CELF2: variants seen among roughly 807,000 people sequenced by gnomAD.
CELF2 encodes CUG triplet repeat RNA-binding protein 2.
In CELF2, 8 loss-of-function variants were observed where a neutral mutation model predicts 62.6. The observed-to-expected ratio is 0.13, with a 90% CI of 0.07 to 0.23. The LOEUF (loss-of-function observed/expected upper bound fraction) is 0.23. CELF2 is among the 10% of genes least tolerant of loss of function. CELF2 has a pLI of 1.00. For synonymous variants in CELF2, 258 were observed against 250.0 expected, an observed-to-expected ratio of 1.03 and a Z score of -0.30; for missense variants, 333 against 671.0, an observed-to-expected ratio of 0.50 and a Z score of 5.56.
At chr10:10,666,400 T>C in the CELF2 span, among the ~76,000 whole-genome samples, 1 of 152,150 alleles carries the variant, frequency 6.6e-6, no homozygotes, top group Non-Finnish European at 1.5e-5. Context: ...CTCCAACTTA[T>C]TAATGATCTC....
intron 2 of CELF2, among the ~76,000 whole-genome samples, chr10:11,197,353 G>A (rs2135013653): frequency 6.6e-6 from 1 of 152,182 alleles, no homozygotes; most frequent in East Asian, 1.9e-4. Flanking sequence ...CATTCATATG[G>A]GTAAAAAAGG....
chr10:10,577,232 G>C, the CELF2 span, among the ~76,000 whole-genome samples: 11 of 152,068 alleles, frequency 7.2e-5, no homozygotes, highest in African/African-American at 2.7e-4. Context: ...CATGGCAATG[G>C]GTTATTTGTT....
chr10:11,047,775 A>C (rs1298421051), intron 1 of CELF2, among the ~76,000 whole-genome samples: 1 of 152,088 alleles, frequency 6.6e-6, no homozygotes, highest in African/African-American at 2.4e-5. Context: ...TTTCAGGCTA[A>C]ATTTTTCTGG....
Position 11,247,624 on chromosome 10 carries a change from C to T in CELF2, c.355-1529C>T, listed in dbSNP as rs376520629. On this transcript the variant is annotated intron_variant, in intron 3 of 12. Coordinates refer to ENST00000633077, the MANE Select transcript of CELF2 (RefSeq NM_001326342.2). The surrounding 1 kb of genome is among the most constrained non-coding windows in gnomAD (Gnocchi z 5.4). Reference sequence around the variant, plus strand: ...CCCATGCCCGCCATCCCACCCCTGCCACACTGAGCACCTGAAGGGAGGACC... The same window carrying T: ...CCCATGCCCGCCATCCCACCCCTGCTACACTGAGCACCTGAAGGGAGGACC... Among the ~76,000 whole-genome samples the T allele has an allele frequency of 6.6e-6, 1 of 151,928 alleles. No homozygotes were observed. Among genetic ancestry groups the T allele is most frequent in the Non-Finnish European group, 1.5e-5 (1 of 67,980 alleles).
rs2095012084 is a variant in CELF2 at position 11,316,645 on chromosome 10, T to C, written c.1096+2387T>C. On this transcript the variant is annotated intron_variant, in intron 10 of 12. Transcript: ENST00000633077. The surrounding 1 kb of genome is among the most constrained non-coding windows in gnomAD (Gnocchi z 4.4). ...ACCCCACTGCAGCAGCCATTATCTG[T>C]TTCCATATGGAGAGTATTCAGGTTT... is the stretch of plus-strand genomic sequence containing the variant. Among the ~76,000 whole-genome samples the C allele has an allele frequency of 6.6e-6, 1 of 152,148 alleles. No homozygotes were observed. The highest frequency in any genetic ancestry group is 6.5e-5 in the Admixed American group (1 of 15,276).
Position 11,290,117 on chromosome 10 carries a change from A to G in CELF2, c.976+1565A>G, listed in dbSNP as rs1351544753. Reference sequence around the variant, plus strand: ...TGATTGGTGTAGCTAAGATAACTCAAAAATCATATCCCAAAAGCGCTTTGT... The same window carrying G: ...TGATTGGTGTAGCTAAGATAACTCAGAAATCATATCCCAAAAGCGCTTTGT... On this transcript the variant is annotated intron_variant, in intron 9 of 12. Transcript: ENST00000633077. This position sits in a 1 kb window ranked among gnomAD's most constrained non-coding sequence, Gnocchi z 4.3. Among the ~76,000 whole-genome samples the G allele has an allele frequency of 6.6e-6, 1 of 152,318 alleles. No individual in the cohort carries two copies. The highest frequency in any genetic ancestry group is 6.5e-5 in the Admixed American group (1 of 15,308).
At chr10:10,631,011 T>C in the CELF2 span, among the ~76,000 whole-genome samples, 1 of 152,204 alleles carries the variant, frequency 6.6e-6, no homozygotes, top group Non-Finnish European at 1.5e-5. Flanking sequence ...GAATTGCCAA[T>C]GTTATACACC....
In CELF2 at chr10:11,319,160, G is replaced by C. The variant is rs899868906; in HGVS notation, c.1097-2029G>C. ...CCACACGGGCATCTGCATTTCCAGAGGACTGTGCCCAGAGTGCGATCATCT... is the reference window on the plus strand; with the variant it reads ...CCACACGGGCATCTGCATTTCCAGACGACTGTGCCCAGAGTGCGATCATCT... On this transcript the variant is annotated intron_variant, in intron 10 of 12. Coordinates refer to ENST00000633077, the MANE Select transcript of CELF2 (RefSeq NM_001326342.2). The surrounding 1 kb of genome is among the most constrained non-coding windows in gnomAD (Gnocchi z 4.4). The C allele has an allele frequency of 4.3e-6, 2 of 466,254 alleles. No individual in the cohort carries two copies. The highest frequency in any genetic ancestry group is 7.0e-5 in the East Asian group (1 of 14,368). 28.9% of individuals were successfully genotyped at this position (466,254 alleles called of 1,614,324 possible).
chr10:11,028,330 C>T (rs911729172), intron 1 of CELF2, among the ~76,000 whole-genome samples: 4 of 152,046 alleles, frequency 2.6e-5, no homozygotes, highest in Admixed American at 1.3e-4. Context: ...ATCAGCCACA[C>T]GATATGAAGG....
In CELF2 at chr10:11,309,594, T is replaced by C. The variant is rs1044814022; in HGVS notation, c.977-4545T>C. 1.3e-5 allele frequency among the ~76,000 whole-genome samples: 2 copies of C among 149,372 alleles called. No individual in the cohort carries two copies. Among genetic ancestry groups the C allele is most frequent in the African/African-American group, 4.8e-5 (2 of 41,268 alleles). ...ATTATTTTTGGCCCAGGAGCATAAATTGTCCCCACAGTCTGCTCTGATTGT... is the reference window on the plus strand; with the variant it reads ...ATTATTTTTGGCCCAGGAGCATAAACTGTCCCCACAGTCTGCTCTGATTGT... On this transcript the variant is annotated intron_variant, in intron 9 of 12. Transcript: ENST00000633077. The surrounding 1 kb of genome is among the most constrained non-coding windows in gnomAD (Gnocchi z 5.6).
chr10:10,666,827 A>ACT, the CELF2 span, among the ~76,000 whole-genome samples: 13 of 72,188 alleles, frequency 1.8e-4, 2 homozygotes, highest in Non-Finnish European at 3.4e-4. Context: ...GCGCCACTGC[A>ACT]CTCCAGCCTG....
the CELF2 span, among the ~76,000 whole-genome samples, chr10:10,588,006 G>C: frequency 7.1e-6 from 1 of 140,204 alleles, no homozygotes; most frequent in Non-Finnish European, 1.5e-5. Flanking sequence ...GTGAGAAAAG[G>C]TAAAGATGTA....
At chr10:10,493,807 C>T in the CELF2 span, among the ~76,000 whole-genome samples, 1 of 152,298 alleles carries the variant, frequency 6.6e-6, no homozygotes, top group South Asian at 2.1e-4. Context: ...GCTGGGATTA[C>T]AGGCCTGAGC....
the CELF2 span, among the ~76,000 whole-genome samples, chr10:10,697,854 C>G: frequency 4.6e-5 from 7 of 152,248 alleles, no homozygotes; most frequent in African/African-American, 1.7e-4. Context: ...GTGGCACAAT[C>G]GGATTTCAGC....
At chr10:11,204,324 G>C (rs1331828003) in intron 2 of CELF2, among the ~76,000 whole-genome samples, 3 of 152,222 alleles carry the variant, frequency 2.0e-5, no homozygotes, top group African/African-American at 7.2e-5. Flanking sequence ...TCTTAGGCTA[G>C]AAGTAACTAT....
the CELF2 span, among the ~76,000 whole-genome samples, chr10:10,596,093 G>A: frequency 6.6e-6 from 1 of 152,028 alleles, no homozygotes; most frequent in African/African-American, 2.4e-5. Flanking sequence ...ACCCTTGTGG[G>A]CTAAGCCCCA....
chr10:11,195,371 TC>T (rs34826009), intron 2 of CELF2, among the ~76,000 whole-genome samples: 1 of 152,222 alleles, frequency 6.6e-6, no homozygotes, highest in Admixed American at 6.5e-5. Flanking sequence ...AATGAGGTAT[TC>T]CCTGACTTCT....
At chr10:10,582,786 C>T in the CELF2 span, among the ~76,000 whole-genome samples, 1 of 152,160 alleles carries the variant, frequency 6.6e-6, no homozygotes, top group East Asian at 1.9e-4. Context: ...TTGGAGCTCC[C>T]AGGTCATGAC....
chr10:10,937,044 C>T (rs1286965454), intron 2 of CELF2, among the ~76,000 whole-genome samples: 2 of 151,496 alleles, frequency 1.3e-5, no homozygotes, highest in South Asian at 4.2e-4. Context: ...GCTTCAATTA[C>T]ATCTCAATAA....
Sources: gnomAD v4.1 joint callset for allele counts (sites outside exome capture counted in the v4.1 genomes callset) on GRCh38, gnomAD v4.1.1 for gene constraint, Gnocchi (gnomAD v3.1) non-coding constraint, MANE v1.5 for transcripts, NCBI Gene and HGNC (gene_info 2026-07-23, HGNC 2026-07-21) for gene names.